Variants in INTS9 observed in about 807,000 individuals in gnomAD.
The protein encoded by INTS9 is protein related to CPSF subunits of 74 kDa.
INTS9 carries 55 observed loss-of-function variants against 79.7 expected under a neutral mutation model. That is an observed-to-expected ratio of 0.69 (90% CI 0.56 to 0.86). The LOEUF is 0.86. Among genes scored for constraint, INTS9 ranks in the 40% least tolerant of loss-of-function variants. INTS9 has a pLI of 0.00. For synonymous variants in INTS9, 319 were observed against 325.2 expected, an observed-to-expected ratio of 0.98 and a Z score of 0.20; for missense variants, 721 against 831.5, an observed-to-expected ratio of 0.87 and a Z score of 1.64.
At chr8:28,868,993 G>C (rs1339863641) in intron 1 of INTS9, among the ~76,000 whole-genome samples, 1 of 152,006 alleles carries the variant, frequency 6.6e-6, no homozygotes, top group African/African-American at 2.4e-5. Flanking sequence ...CAGCTACTTG[G>C]GAGGCTGAGG....
intron 8 of INTS9, among the ~76,000 whole-genome samples, chr8:28,812,003 T>TCAAG (rs1805180361): frequency 6.6e-6 from 1 of 152,236 alleles, no homozygotes; most frequent in African/African-American, 2.4e-5. Context: ...TGCATGACAC[T>TCAAG]TGACACTTGG....
intron 6 of INTS9, among the ~76,000 whole-genome samples, chr8:28,828,274 G>A (rs977523377): frequency 3.3e-5 from 5 of 152,186 alleles, no homozygotes; most frequent in African/African-American, 9.6e-5. Flanking sequence ...CCTTGCTTTC[G>A]TCAGAAAGGC....
rs1450746138 is a variant in INTS9, at chr8:28,831,283, C to G, written c.488+4009G>C. 2.0e-5 allele frequency among the ~76,000 whole-genome samples: 3 copies of G among 152,232 alleles called. No individual in the cohort carries two copies. In the South Asian group the frequency reaches 6.2e-4, roughly 32 times the overall value. ...GAACACATGAACACAGGCAGGGGAA[C>G]AACACACACTGGGGCCTCTCAGGGA... On this transcript the variant is annotated intron_variant, in intron 6 of 16. Transcript: ENST00000521022.
chr8:28,817,409 G>C (rs962386265), intron 6 of INTS9, among the ~76,000 whole-genome samples: 1 of 151,968 alleles, frequency 6.6e-6, no homozygotes, highest in Non-Finnish European at 1.5e-5. Flanking sequence ...TATTAAATAG[G>C]GAATCCTTTC....
At chr8:28,855,276 C>T (rs1193811912) in intron 2 of INTS9, among the ~76,000 whole-genome samples, 1 of 152,204 alleles carries the variant, frequency 6.6e-6, no homozygotes, top group Non-Finnish European at 1.5e-5. Flanking sequence ...GCAGAGTATA[C>T]AGAAGGTACT....
chr8:28,878,672 T>G (rs1019952242), intron 1 of INTS9, among the ~76,000 whole-genome samples: 4 of 150,108 alleles, frequency 2.7e-5, no homozygotes, highest in African/African-American at 9.8e-5. Flanking sequence ...AACTCTTGTA[T>G]AGTTTACTTA....
At chr8:28,825,576 C>T (rs1292285610) in intron 6 of INTS9, among the ~76,000 whole-genome samples, 1 of 152,210 alleles carries the variant, frequency 6.6e-6, no homozygotes, top group Non-Finnish European at 1.5e-5. Context: ...CCAGCACAGC[C>T]TCCCCTTTCC....
At chr8:28,807,530 T>C (rs1169289772) in intron 8 of INTS9, among the ~76,000 whole-genome samples, 1 of 152,172 alleles carries the variant, frequency 6.6e-6, no homozygotes, top group South Asian at 2.1e-4. Flanking sequence ...AAAGAATAGA[T>C]TGTAATCAAG....
intron 4 of INTS9, among the ~76,000 whole-genome samples, chr8:28,844,972 G>T (rs1481185657): frequency 6.6e-6 from 1 of 152,160 alleles, no homozygotes; most frequent in South Asian, 2.1e-4. Context: ...TCATCTGCAA[G>T]TTTTTTCAAA....
At chr8:28,849,724 C>T (rs542881378) in intron 3 of INTS9, among the ~76,000 whole-genome samples, 6 of 152,276 alleles carry the variant, frequency 3.9e-5, no homozygotes, top group Non-Finnish European at 7.4e-5. Context: ...CTGTAACCTT[C>T]TGTGGCCTCT....
At chr8:28,847,241 T>C (rs2131240319) in intron 3 of INTS9, among the ~76,000 whole-genome samples, 1 of 152,326 alleles carries the variant, frequency 6.6e-6, no homozygotes, top group South Asian at 2.1e-4. Context: ...TATGTATTTA[T>C]AACAAGCACC....
intron 1 of INTS9, among the ~76,000 whole-genome samples, chr8:28,865,191 C>T (rs1808671902): frequency 6.6e-6 from 1 of 151,632 alleles, no homozygotes; most frequent in Admixed American, 6.6e-5. Flanking sequence ...GAACTGGGGA[C>T]TGAGAGTTTT....
At chr8:28,859,316 T>A (rs1563302668) in intron 2 of INTS9, 120 bp downstream of exon 2, 1 of 1,133,886 alleles carries the variant, frequency 8.8e-7, no homozygotes, top group Non-Finnish European at 1.3e-6. Flanking sequence ...ATAAAGAACA[T>A]TTTTAAGGAA....
chr8:28,856,355 T>C (rs1310260434), intron 2 of INTS9, among the ~76,000 whole-genome samples: 1 of 152,202 alleles, frequency 6.6e-6, no homozygotes, highest in African/African-American at 2.4e-5. Flanking sequence ...GAAGGATACA[T>C]TTTCCTCTTC....
At chr8:28,786,002 C>T (rs937637438) in intron 11 of INTS9, among the ~76,000 whole-genome samples, 20 of 152,320 alleles carry the variant, frequency 1.3e-4, no homozygotes, top group South Asian at 8.3e-4. Context: ...CTTCCTGTCA[C>T]TACTGTCCCC....
chr8:28,851,587 G>A (rs916328103), intron 2 of INTS9, among the ~76,000 whole-genome samples: 4 of 151,730 alleles, frequency 2.6e-5, no homozygotes, highest in South Asian at 2.1e-4. Context: ...ACAGGTGCCC[G>A]CCACCACACC....
chr8:28,812,809 C>A (rs1321119480), intron 7 of INTS9, among the ~76,000 whole-genome samples: 1 of 152,204 alleles, frequency 6.6e-6, no homozygotes, highest in African/African-American at 2.4e-5. Flanking sequence ...CATGTTTGTA[C>A]CACTGCGCTC....
intron 1 of INTS9, among the ~76,000 whole-genome samples, chr8:28,876,035 C>T (rs970660348): frequency 2.0e-5 from 3 of 152,174 alleles, no homozygotes; most frequent in South Asian, 2.1e-4. Context: ...CCACTTAGGG[C>T]TCTGAGCCCC....
intron 1 of INTS9, among the ~76,000 whole-genome samples, chr8:28,872,433 C>G (rs571468464): frequency 6.6e-6 from 1 of 152,184 alleles, no homozygotes; most frequent in East Asian, 1.9e-4. Context: ...TATGTCTCTT[C>G]TCCTTTTTAA....
Sources: gnomAD v4.1 joint callset for allele counts (sites outside exome capture counted in the v4.1 genomes callset) on GRCh38, gnomAD v4.1.1 for gene constraint, MANE v1.5 for transcripts, NCBI Gene and HGNC (gene_info 2026-07-23, HGNC 2026-07-21) for gene names.